Variants in C12orf43 observed in about 807,000 individuals in gnomAD.
C12orf43 encodes chromosome 12 open reading frame 43, also known as protein CUSTOS.
Under a neutral mutation model 20.6 loss-of-function variants are expected in C12orf43, and 15 were observed. That is an observed-to-expected ratio of 0.73 (90% CI 0.49 to 1.12). The LOEUF is 1.12. Among genes scored for constraint, C12orf43 ranks in the 50% most tolerant of loss-of-function variants. The probability of loss-of-function intolerance (pLI) is 0.00; values close to 1 mark genes in which losing one functional copy is unlikely to be tolerated. For missense variants in C12orf43, 334 were observed against 344.4 expected, an observed-to-expected ratio of 0.97 and a Z score of 0.24; for synonymous variants, 144 against 130.8, an observed-to-expected ratio of 1.10 and a Z score of -0.69.
intron 1 of C12orf43, among the ~76,000 whole-genome samples, chr12:121,012,052 A>G (rs1261956288): frequency 6.6e-6 from 1 of 152,212 alleles, no homozygotes; most frequent in Non-Finnish European, 1.5e-5. Context: ...AAACGGAAAC[A>G]AAGTAGGCGA....
Position 121,001,481 on chromosome 12 carries a change from T to C in C12orf43, c.*2672A>G. On this transcript the variant is annotated 3_prime_UTR_variant, in exon 6 of 6. Coordinates refer to ENST00000288757, the MANE Select transcript of C12orf43 (RefSeq NM_022895.3). ...CGCTGCTTCGTGGGATACAGTCTTC[T>C]TACTTGGAACTGAAGGGGGCGGCCT... The C allele has an allele frequency of 2.1e-6, 1 of 483,526 alleles. No individual in the cohort carries two copies. Among genetic ancestry groups the C allele is most frequent in the Non-Finnish European group, 3.8e-6 (1 of 261,158 alleles). The allele number at this position is 483,526 out of a possible 1,614,324, so 30.0% of individuals were successfully genotyped here.
Position 121,003,922 on chromosome 12 carries a change from C to T in C12orf43, c.*231G>A, listed in dbSNP as rs1877735946. 10 of 592,570 alleles carry T rather than the reference C, an allele frequency of 1.7e-5. No individual in the cohort carries two copies. The highest frequency in any genetic ancestry group is 2.1e-5 in the Non-Finnish European group (7 of 332,082). 36.7% of individuals were successfully genotyped at this position (592,570 alleles called of 1,614,324 possible). On this transcript the variant is annotated 3_prime_UTR_variant, in exon 6 of 6. Transcript: ENST00000288757. The stretch of plus-strand genomic sequence containing the variant: ...AACCACAGCGCCCCCGCCAGCCCTC[C>T]GTGGGAGCACAGAGGGGCAGGCCTT...
intron 3 of C12orf43, among the ~76,000 whole-genome samples, chr12:121,008,307 G>C (rs1363828328): frequency 1.3e-5 from 2 of 151,914 alleles, no homozygotes; most frequent in East Asian, 3.9e-4. Context: ...GCTAATTTTT[G>C]CATTTTTAGT....
At chr12:121,013,345 ACAGTT>A (rs1475107474) in intron 1 of C12orf43, among the ~76,000 whole-genome samples, 1 of 152,172 alleles carries the variant, frequency 6.6e-6, no homozygotes, top group Non-Finnish European at 1.5e-5. Flanking sequence ...ACAGAGGGAG[ACAGTT>A]CAGTTGAGTC....
At chr12:121,010,628 G>C (rs1338701062) in intron 3 of C12orf43, among the ~76,000 whole-genome samples, 200 bp downstream of exon 3, 1 of 152,194 alleles carries the variant, frequency 6.6e-6, no homozygotes. Context: ...CTGTCTCCTT[G>C]CTGACAGCCT....
At position 121,016,379 on chromosome 12, in the gene C12orf43, C is replaced by T. The variant is rs567367750; in HGVS notation, c.96G>A (p.Pro32=). 1.9e-6 allele frequency: 3 copies of T among 1,613,938 alleles called. No homozygotes were observed. Among genetic ancestry groups the T allele is most frequent in the Admixed American group, 3.3e-5 (2 of 60,036 alleles). ...GCGGGCGTTGCTCCAAGCCCCAAGC[C>T]GGCATTGCCGCCTCGCGGCACCGCT... The part of the protein sequence containing the change: ...ELERCREAAM[P]AWGLEQRPHV... The change falls in exon 1 of 6, where the codon CCG becomes CCA. Residue 32 remains proline, a synonymous_variant. Transcript: ENST00000288757.
Position 121,016,330 on chromosome 12 carries a change from C to G in C12orf43, c.145G>C (p.Gly49Arg), listed in dbSNP as rs151107641. Residue 49 changes from glycine to arginine, a missense_variant and splice_region_variant, in exon 1 of 6, where the codon GGT (glycine) becomes CGT (arginine). Transcript: ENST00000288757. Reference protein sequence around the residue: ...RPHVAGKPRAGAANSQLSTSQ... With the variant: ...RPHVAGKPRARAANSQLSTSQ... ...AGTCTCCCCAAACATAGTACCCTAC[C>G]GGCTCTTGGCTTCCCTGCCACGTGC... is the stretch of plus-strand genomic sequence containing the variant. 6.2e-7 allele frequency: 1 copy of G among 1,613,690 alleles called. No homozygotes were observed. Among genetic ancestry groups the G allele is most frequent in the Admixed American group, 1.7e-5 (1 of 60,034 alleles).
At position 121,005,065 on chromosome 12, in the gene C12orf43, A is replaced by C; in HGVS notation, c.390T>G (p.Pro130=). 6 of 1,486,472 alleles carry C rather than the reference A, an allele frequency of 4.0e-6. No individual in the cohort carries two copies. The highest frequency in any genetic ancestry group is 5.4e-6 in the Non-Finnish European group (6 of 1,110,192). 92.1% of individuals were successfully genotyped at this position (1,486,472 alleles called of 1,614,324 possible). A position where few individuals can be genotyped will look rare whatever the true frequency, so the allele number is the denominator to read the frequency against. Reference sequence around the variant, plus strand: ...GAGACTCTTCCTTCTCACGGCCTCCAGGGACAGATGTGAAGAAAAGGCGGA... The same window carrying C: ...GAGACTCTTCCTTCTCACGGCCTCCCGGGACAGATGTGAAGAAAAGGCGGA... ...DGFRLFFTSV[P]GGREKEESPQ... is the part of the protein sequence containing the mutation. Residue 130 remains proline (P), a synonymous_variant, in exon 5 of 6, where the codon CCT becomes CCG. Transcript: ENST00000288757. This position sits in a 1 kb window ranked among gnomAD's most constrained non-coding sequence, Gnocchi z 5.6.
At chr12:121,007,290 G>A (rs891766804) in intron 3 of C12orf43, 3 of 152,206 alleles carry the variant, frequency 2.0e-5, no homozygotes, top group South Asian at 2.1e-4. Flanking sequence ...ATTGTGCCTC[G>A]CTATAGTACA....
chr12:121,001,271 C>T lies in C12orf43; in HGVS notation c.*2882G>A. On this transcript the variant is annotated 3_prime_UTR_variant, in exon 6 of 6. Coordinates refer to ENST00000288757, the MANE Select transcript of C12orf43 (RefSeq NM_022895.3). ...CAGCAGCCAGCCCTGCCTGGAGGAC[C>T]TGAGCCTGCCGAGCAACCGTGGCCC... The T allele has an allele frequency of 6.4e-7, 1 of 1,554,990 alleles. No individual in the cohort carries two copies. Among genetic ancestry groups the T allele is most frequent in the East Asian group, 2.3e-5 (1 of 43,380 alleles).
In C12orf43 at chr12:121,003,906, GC is replaced by G; in HGVS notation, c.*246del. On this transcript the variant is annotated 3_prime_UTR_variant, in exon 6 of 6. Coordinates refer to ENST00000288757, the MANE Select transcript of C12orf43 (RefSeq NM_022895.3). ...TCATGAAATGTTCTGGAACCACAGC[GC>G]CCCCGCCAGCCCTCCGTGGGAGCAC... 1 of 577,190 alleles carries G rather than the reference GC, an allele frequency of 1.7e-6. No individual in the cohort carries two copies. Among genetic ancestry groups the G allele is most frequent in the Non-Finnish European group, 3.1e-6 (1 of 322,704 alleles). 35.8% of individuals were successfully genotyped at this position (577,190 alleles called of 1,614,324 possible).
In C12orf43 at chr12:121,000,774, ACT is replaced by A; in HGVS notation, c.*3377_*3378del. 2.1e-6 allele frequency: 1 copy of A among 466,018 alleles called. No individual in the cohort carries two copies. Among genetic ancestry groups the A allele is most frequent in the Non-Finnish European group, 4.0e-6 (1 of 250,360 alleles). 28.9% of individuals were successfully genotyped at this position (466,018 alleles called of 1,614,324 possible). Reference sequence around the variant, plus strand: ...ACAGCAGCGCCTAGATTAGTGTTTGACTCAGCCTAGCCAAGCCAACACGTACA... The same window carrying A: ...ACAGCAGCGCCTAGATTAGTGTTTGACAGCCTAGCCAAGCCAACACGTACA... On this transcript the variant is annotated 3_prime_UTR_variant, in exon 6 of 6. Transcript: ENST00000288757.
chr12:121,009,866 G>A (rs975422796), intron 3 of C12orf43, among the ~76,000 whole-genome samples: 1 of 152,252 alleles, frequency 6.6e-6, no homozygotes, highest in South Asian at 2.1e-4. Context: ...GAGAATGTAA[G>A]ATAGAGACCT....
At chr12:121,006,222 A>G in intron 4 of C12orf43, 99 bp downstream of exon 4, 2 of 441,162 alleles carry the variant, frequency 4.5e-6, no homozygotes, top group Middle Eastern at 8.7e-4. Context: ...TCTCAAAAAA[A>G]GAAAAAAAAA....
In C12orf43 at chr12:121,004,014, G is replaced by C; in HGVS notation, c.*139C>G. 1 of 949,678 alleles carries C rather than the reference G, an allele frequency of 1.1e-6. No homozygotes were observed. Among genetic ancestry groups the C allele is most frequent in the Non-Finnish European group, 1.7e-6 (1 of 600,474 alleles). 58.8% of individuals were successfully genotyped at this position (949,678 alleles called of 1,614,324 possible). A position where few individuals can be genotyped will look rare whatever the true frequency, so the allele number is the denominator to read the frequency against. On this transcript the variant is annotated 3_prime_UTR_variant, in exon 6 of 6. Coordinates refer to ENST00000288757, the MANE Select transcript of C12orf43 (RefSeq NM_022895.3). This position sits in a 1 kb window ranked among gnomAD's most constrained non-coding sequence, Gnocchi z 5.6. ...CTCGAGCAAGCCTTCATCACCATCA[G>C]GGTCTCATGGGCAGTCTGGGTTTGC...
rs371917512 is a variant in C12orf43 at position 121,004,979 on chromosome 12, G to A, written c.452+24C>T. 9 of 1,494,314 alleles carry A rather than the reference G, an allele frequency of 6.0e-6. No homozygotes were observed. The highest frequency in any genetic ancestry group is 2.4e-5 in the Admixed American group (1 of 41,436). The allele number at this position is 1,494,314 out of a possible 1,614,324, so 92.6% of individuals were successfully genotyped here. A position where few individuals can be genotyped will look rare whatever the true frequency, so the allele number is the denominator to read the frequency against. On this transcript the variant is annotated intron_variant, in intron 5 of 5. Coordinates refer to ENST00000288757, the MANE Select transcript of C12orf43 (RefSeq NM_022895.3). The surrounding 1 kb of genome is among the most constrained non-coding windows in gnomAD (Gnocchi z 5.6). ...AGAAGAGGAGAAAAAAGGAGGGGAC[G>A]TGAGGAGAGGTGTGAGTTCTCACCT...
chr12:121,004,636 C>T lies in C12orf43; in HGVS notation c.453-147G>A. The T allele has an allele frequency of 1.3e-6, 1 of 796,048 alleles. No individual in the cohort carries two copies. Among genetic ancestry groups the T allele is most frequent in the Non-Finnish European group, 2.0e-6 (1 of 508,978 alleles). 49.3% of individuals were successfully genotyped at this position (796,048 alleles called of 1,614,324 possible). A position where few individuals can be genotyped will look rare whatever the true frequency, so the allele number is the denominator to read the frequency against. On this transcript the variant is annotated intron_variant, in intron 5 of 5. Transcript: ENST00000288757. This position sits in a 1 kb window ranked among gnomAD's most constrained non-coding sequence, Gnocchi z 5.6. ...AGTTCAGGCTTGGGAGTGAGGCCAACCTGGCTTCCAATACTGGCTTCTGGG... is the reference window on the plus strand; with the variant it reads ...AGTTCAGGCTTGGGAGTGAGGCCAATCTGGCTTCCAATACTGGCTTCTGGG...
At chr12:121,012,414 A>G in intron 1 of C12orf43, 1 of 702,606 alleles carries the variant, frequency 1.4e-6, no homozygotes, top group Non-Finnish European at 2.6e-6. Context: ...TGAGCAGAGA[A>G]GGGACATAAA....
intron 1 of C12orf43, chr12:121,012,465 G>A: frequency 2.8e-6 from 2 of 702,632 alleles, no homozygotes; most frequent in Non-Finnish European, 5.2e-6. Flanking sequence ...CTGCTGTGCA[G>A]CGTGAGACTG....
Sources: gnomAD v4.1 joint callset for allele counts (sites outside exome capture counted in the v4.1 genomes callset) on GRCh38, gnomAD v4.1.1 for gene constraint, Gnocchi (gnomAD v3.1) non-coding constraint, MANE v1.5 for transcripts, NCBI Gene and HGNC (gene_info 2026-07-23, HGNC 2026-07-21) for gene names.